The following RELT variants were observed in gnomAD, a reference collection of about 807,000 sequenced individuals.
The protein encoded by RELT is RELT TNF receptor, also known as tumor necrosis factor receptor superfamily member 19L.
In RELT, 37 loss-of-function variants were observed where a neutral mutation model predicts 51.1. The ratio of observed to expected loss-of-function variants is 0.72; its 90% CI spans 0.56 to 0.95. The LOEUF is 0.95. RELT is among the 40% of genes least tolerant of loss of function. The probability of loss-of-function intolerance (pLI) is 0.00; values close to 1 mark genes in which losing one functional copy is unlikely to be tolerated. For missense variants in RELT, 535 were observed against 572.6 expected (o/e 0.93, Z 0.67); for synonymous variants, 241 against 235.7 (o/e 1.02, Z -0.21).
chr11:73,385,922 C>G (rs1866116368), intron 1 of RELT, among the ~76,000 whole-genome samples: 1 of 152,192 alleles, frequency 6.6e-6, no homozygotes, highest in Non-Finnish European at 1.5e-5. Context: ...GTCCTAGTTA[C>G]TCAGGAGGCT....
At chr11:73,389,217 C>T (rs760432647) in intron 2 of RELT, 36 bp downstream of exon 2, 25 of 1,466,408 alleles carry the variant, frequency 1.7e-5, no homozygotes, top group South Asian at 1.5e-4. Flanking sequence ...GGAGAAAAGC[C>T]GCACCCTCAG....
At chr11:73,393,179 G>A in intron 6 of RELT, 1 of 1,001,132 alleles carries the variant, frequency 1.0e-6, no homozygotes, top group Non-Finnish European at 1.2e-6. Context: ...ACTGAAGTCT[G>A]GCGGGGGCAG....
intron 1 of RELT, among the ~76,000 whole-genome samples, chr11:73,377,995 C>G (rs1228651926): frequency 6.6e-6 from 1 of 152,112 alleles, no homozygotes; most frequent in Non-Finnish European, 1.5e-5. Context: ...CGAAATGGAT[C>G]CATAGACAAT....
At position 73,394,754 on chromosome 11, in the gene RELT, A is replaced by G. The variant is rs1220232023; in HGVS notation, c.1046+20A>G. ...GGGCAGGTGAGATGGGCACAGATGC[A>G]GCAGGGGCAGGTAAAGACGTGACAG... On this transcript the variant is annotated intron_variant, in intron 9 of 10. Transcript: ENST00000064780. The surrounding 1 kb of genome is among the most constrained non-coding windows in gnomAD (Gnocchi z 4.9). The G allele has an allele frequency of 2.5e-6, 4 of 1,600,224 alleles. No individual in the cohort carries two copies. Among genetic ancestry groups the G allele is most frequent in the East Asian group, 2.2e-5 (1 of 44,776 alleles).
intron 1 of RELT, among the ~76,000 whole-genome samples, chr11:73,379,706 G>A (rs1428208578): frequency 2.0e-5 from 3 of 152,168 alleles, no homozygotes; most frequent in African/African-American, 4.8e-5. Context: ...TCTGGACGTC[G>A]GCCTGCCTCA....
At chr11:73,392,159 T>G in intron 5 of RELT, 52 bp from the exon 6 acceptor site, 1 of 1,585,776 alleles carries the variant, frequency 6.3e-7, no homozygotes. Context: ...CCTGTCTCTC[T>G]GTGTTTGTGT....
intron 1 of RELT, 29 bp downstream of exon 1, chr11:73,376,528 A>G (rs1865968754): frequency 6.6e-6 from 1 of 151,916 alleles, no homozygotes; most frequent in South Asian, 2.1e-4. Flanking sequence ...GCGCCCATCC[A>G]GAGTCTGCTC....
chr11:73,382,005 A>T (rs1258483355), intron 1 of RELT, among the ~76,000 whole-genome samples: 3 of 152,102 alleles, frequency 2.0e-5, no homozygotes, highest in Non-Finnish European at 1.5e-5. Flanking sequence ...TGAGGCAGGG[A>T]CTAGCACCCC....
chr11:73,378,195 T>G (rs1865999519), intron 1 of RELT, among the ~76,000 whole-genome samples: 1 of 152,156 alleles, frequency 6.6e-6, no homozygotes. Context: ...AGGCCCCTTC[T>G]CCCGTATGAA....
At chr11:73,387,179 G>A (rs1462960571) in intron 1 of RELT, among the ~76,000 whole-genome samples, 2 of 152,058 alleles carry the variant, frequency 1.3e-5, no homozygotes, top group South Asian at 2.1e-4. Flanking sequence ...TCCTGACCTC[G>A]TGATCCACCT....
At chr11:73,389,554 T>A (rs1448078211) in intron 2 of RELT, among the ~76,000 whole-genome samples, 2 of 151,802 alleles carry the variant, frequency 1.3e-5, no homozygotes, top group Non-Finnish European at 2.9e-5. Context: ...GGTGCTGGGG[T>A]TCAAGATCTG....
In RELT at chr11:73,395,588, G is replaced by C; in HGVS notation, c.*97G>C. On this transcript the variant is annotated 3_prime_UTR_variant, in exon 11 of 11. Transcript: ENST00000064780. ...CTGCAGCTGGGACTGTGAGGACCGAGAAGCAATGGCCCAGCAGACGAGACA... is the reference window on the plus strand; with the variant it reads ...CTGCAGCTGGGACTGTGAGGACCGACAAGCAATGGCCCAGCAGACGAGACA... 2.6e-6 allele frequency: 2 copies of C among 770,934 alleles called. No individual in the cohort carries two copies. Among genetic ancestry groups the C allele is most frequent in the South Asian group, 2.7e-5 (2 of 73,872 alleles). 47.8% of individuals were successfully genotyped at this position (770,934 alleles called of 1,614,324 possible).
rs1391751382 is a variant in RELT at position 73,394,221 on chromosome 11, T to C, written c.707-15T>C. The C allele has an allele frequency of 6.3e-7, 1 of 1,591,710 alleles. No homozygotes were observed. Among genetic ancestry groups the C allele is most frequent in the Non-Finnish European group, 8.6e-7 (1 of 1,169,320 alleles). On this transcript the variant is annotated splice_polypyrimidine_tract_variant and intron_variant, in intron 7 of 10. Coordinates refer to ENST00000064780, the MANE Select transcript of RELT (RefSeq NM_152222.2). The surrounding 1 kb of genome is among the most constrained non-coding windows in gnomAD (Gnocchi z 4.9). Reference sequence around the variant, plus strand: ...CATATGGCCACAGTGAGGGTCTGACTGCAGCTACCCACAGAGAATGCTGCG... The same window carrying C: ...CATATGGCCACAGTGAGGGTCTGACCGCAGCTACCCACAGAGAATGCTGCG...
intron 6 of RELT, chr11:73,393,061 G>A (rs1866245530): frequency 3.0e-5 from 30 of 998,618 alleles, no homozygotes; most frequent in Non-Finnish European, 3.6e-5. Flanking sequence ...CCTGCCCTGG[G>A]CCCATGGGAG....
At chr11:73,378,735 C>T (rs553641890) in intron 1 of RELT, among the ~76,000 whole-genome samples, 73 of 152,344 alleles carry the variant, frequency 4.8e-4, no homozygotes, top group Non-Finnish European at 8.7e-4. Flanking sequence ...ACATGGTCTT[C>T]CTGTTCCTCC....
chr11:73,379,635 TC>T (rs1038699760), intron 1 of RELT, among the ~76,000 whole-genome samples: 2 of 152,166 alleles, frequency 1.3e-5, no homozygotes, highest in African/African-American at 4.8e-5. Flanking sequence ...TCATTCTGTG[TC>T]CACACTTTCC....
In RELT at chr11:73,390,609, G is replaced by T; in HGVS notation, c.104G>T (p.Gly35Val). 6.2e-7 allele frequency: 1 copy of T among 1,613,932 alleles called. No individual in the cohort carries two copies. Among genetic ancestry groups the T allele is most frequent in the South Asian group, 1.1e-5 (1 of 91,084 alleles). The change falls in exon 3 of 11, where the codon GGG becomes GTG. Residue 35 changes from glycine (G) to valine (V), a missense_variant. Coordinates refer to ENST00000064780, the MANE Select transcript of RELT (RefSeq NM_152222.2). The part of the protein sequence containing the change: ...TSTTLWQCPP[G>V]EEPDLDPGQG... ...ACAACCCTTTGGCAGTGCCCACCTG[G>T]GGAGGAGCCCGACCTGGTGAGCATT...
intron 1 of RELT, among the ~76,000 whole-genome samples, chr11:73,386,278 A>T (rs969317805): frequency 2.0e-5 from 3 of 152,312 alleles, no homozygotes; most frequent in Non-Finnish European, 1.5e-5. Flanking sequence ...CTCCTCTGTC[A>T]GGCATCGGAG....
chr11:73,381,625 C>A (rs577954525), intron 1 of RELT, among the ~76,000 whole-genome samples: 1 of 152,196 alleles, frequency 6.6e-6, no homozygotes. Flanking sequence ...AGAAGAGCCC[C>A]TGTTGCCTGT....
Sources: gnomAD v4.1 joint callset for allele counts (sites outside exome capture counted in the v4.1 genomes callset) on GRCh38, gnomAD v4.1.1 for gene constraint, Gnocchi (gnomAD v3.1) non-coding constraint, MANE v1.5 for transcripts, NCBI Gene and HGNC (gene_info 2026-07-23, HGNC 2026-07-21) for gene names.